Variants in CNTN1 observed in about 807,000 individuals in gnomAD.
The protein encoded by CNTN1 is contactin-1.
CNTN1 carries 38 observed loss-of-function variants against 126.4 expected under a neutral mutation model. That is an observed-to-expected ratio of 0.30 (90% confidence interval 0.23 to 0.39). CNTN1 has a LOEUF of 0.39. Among genes scored for constraint, CNTN1 ranks in the 10% least tolerant of loss-of-function variants. The pLI, the probability that CNTN1 is intolerant of heterozygous loss-of-function variation, is 1.00. For missense variants in CNTN1, 1,009 were observed against 1,248.4 expected (o/e 0.81, Z 2.89); for synonymous variants, 413 against 422.6 (o/e 0.98, Z 0.28).
chr12:40,768,408 T>TC (rs1248161988), intron 1 of CNTN1, among the ~76,000 whole-genome samples: 1 of 123,438 alleles, frequency 8.1e-6, no homozygotes, highest in Non-Finnish European at 1.7e-5. Flanking sequence ...CTTTTACAAA[T>TC]CCCTTATAAG....
At chr12:40,879,379 A>G (rs1943795754) in intron 1 of CNTN1, among the ~76,000 whole-genome samples, 1 of 152,280 alleles carries the variant, frequency 6.6e-6, no homozygotes, top group Admixed American at 6.5e-5. Flanking sequence ...CCCTTAGCTT[A>G]CTCAAATATT....
chr12:40,827,668 T>C (rs796704458), intron 1 of CNTN1, among the ~76,000 whole-genome samples: 23 of 152,322 alleles, frequency 1.5e-4, no homozygotes, highest in African/African-American at 2.4e-4. Flanking sequence ...TTCTGCAGTA[T>C]GCAAATGTCA....
chr12:40,934,816 A>G (rs758892177), intron 9 of CNTN1, among the ~76,000 whole-genome samples: 4 of 151,988 alleles, frequency 2.6e-5, no homozygotes, highest in Non-Finnish European at 4.4e-5. Context: ...TCTTTTCATG[A>G]CCACAGACTT....
chr12:40,777,873 G>T (rs1056216525), intron 1 of CNTN1, among the ~76,000 whole-genome samples: 16 of 151,698 alleles, frequency 1.1e-4, no homozygotes, highest in Non-Finnish European at 5.9e-5. Flanking sequence ...TTTGGGAAGG[G>T]TAAATATGGA....
chr12:40,995,292 T>C (rs923849183), intron 17 of CNTN1, among the ~76,000 whole-genome samples: 1 of 152,066 alleles, frequency 6.6e-6, no homozygotes, highest in Non-Finnish European at 1.5e-5. Context: ...TATTAAGAGA[T>C]CACAGTAGCA....
At chr12:41,014,433 T>C (rs1401363819) in intron 18 of CNTN1, 135 bp downstream of exon 18, 3 of 902,080 alleles carry the variant, frequency 3.3e-6, no homozygotes, top group Admixed American at 2.2e-5. Context: ...CTATTTTTTT[T>C]TCTTAAATGC....
At chr12:41,008,046 G>A (rs1283017144) in intron 17 of CNTN1, among the ~76,000 whole-genome samples, 1 of 152,110 alleles carries the variant, frequency 6.6e-6, no homozygotes, top group Non-Finnish European at 1.5e-5. Context: ...AACCCTAATT[G>A]CTGTTAGTGG....
intron 23 of CNTN1, among the ~76,000 whole-genome samples, chr12:41,053,384 C>T (rs1412603776): frequency 1.5e-5 from 2 of 135,328 alleles, no homozygotes; most frequent in South Asian, 2.2e-4. Context: ...AAGTAGTTCA[C>T]AGACAAAATT....
chr12:41,042,866 C>G (rs2120962910), intron 23 of CNTN1, among the ~76,000 whole-genome samples: 2 of 152,216 alleles, frequency 1.3e-5, no homozygotes, highest in South Asian at 4.1e-4. Flanking sequence ...ACTATCTGAT[C>G]TTTGACAAAC....
In CNTN1 at chr12:41,017,044, T is replaced by G. The variant is rs953871329; in HGVS notation, c.2419+128T>G. The stretch of plus-strand genomic sequence containing the variant: ...TTTATAGCATTATGCATTTAGTAAA[T>G]GAGTACTATTTTGAACCAAATTAAA... On this transcript the variant is annotated intron_variant, in intron 19 of 23. Coordinates refer to ENST00000551295, the MANE Select transcript of CNTN1 (RefSeq NM_001843.4). 1.5e-5 allele frequency: 11 copies of G among 750,082 alleles called. No homozygotes were observed. The Admixed American group carries it at 1.8e-4, about 12-fold the overall frequency. 46.5% of individuals were successfully genotyped at this position (750,082 alleles called of 1,614,324 possible).
intron 3 of CNTN1, among the ~76,000 whole-genome samples, chr12:40,917,320 G>C (rs1945281850): frequency 6.6e-6 from 1 of 151,958 alleles, no homozygotes; most frequent in Non-Finnish European, 1.5e-5. Flanking sequence ...TTATAAGCTA[G>C]GTACATTGCC....
chr12:40,959,020 T>C lies in CNTN1; in HGVS notation c.1684-94T>C, dbSNP rs145430818. Reference sequence around the variant, plus strand: ...AAACACATTCTTTAAGTGGTGTTCATTTTGTTAGGGGAAAAAACTACCTCT... The same window carrying C: ...AAACACATTCTTTAAGTGGTGTTCACTTTGTTAGGGGAAAAAACTACCTCT... On this transcript the variant is annotated intron_variant, in intron 14 of 23. Transcript: ENST00000551295. 4 of 1,501,970 alleles carry C rather than the reference T, an allele frequency of 2.7e-6. No homozygotes were observed. The East Asian group carries it at 7.0e-5, about 26-fold the overall frequency. 93.0% of individuals were successfully genotyped at this position (1,501,970 alleles called of 1,614,324 possible).
intron 1 of CNTN1, among the ~76,000 whole-genome samples, chr12:40,848,464 T>C (rs1942597686): frequency 6.6e-6 from 1 of 152,174 alleles, no homozygotes; most frequent in South Asian, 2.1e-4. Context: ...TATTAGTGTT[T>C]ATATAATGAA....
intron 1 of CNTN1, among the ~76,000 whole-genome samples, chr12:40,731,861 G>T (rs750070451): frequency 4.0e-5 from 6 of 151,660 alleles, no homozygotes; most frequent in African/African-American, 7.3e-5. Context: ...CTCTGACTGG[G>T]GCTCTTTTGG....
chr12:40,994,243 C>T (rs1446924942), intron 17 of CNTN1, among the ~76,000 whole-genome samples: 2 of 151,962 alleles, frequency 1.3e-5, no homozygotes, highest in Non-Finnish European at 2.9e-5. Flanking sequence ...AGAAAGTATC[C>T]TTTCTCTCTG....
At chr12:40,822,540 A>G (rs977112047) in intron 1 of CNTN1, among the ~76,000 whole-genome samples, 2 of 152,092 alleles carry the variant, frequency 1.3e-5, no homozygotes, top group African/African-American at 2.4e-5. Context: ...CTCTATGTTG[A>G]TACTTGTAGC....
intron 1 of CNTN1, among the ~76,000 whole-genome samples, chr12:40,904,681 C>T (rs1185494168): frequency 2.0e-5 from 3 of 152,054 alleles, no homozygotes; most frequent in Admixed American, 1.3e-4. Context: ...CCACCCACCT[C>T]GGCCTCCCAA....
Position 41,020,364 on chromosome 12 carries a change from G to A in CNTN1, c.2447G>A (p.Gly816Asp), listed in dbSNP as rs764919302. 3.7e-6 allele frequency: 6 copies of A among 1,612,184 alleles called. No homozygotes were observed. The highest frequency in any genetic ancestry group is 5.1e-6 in the Non-Finnish European group (6 of 1,178,988). ...CCCAGTGAAGCCCCAACAGAAGTAG[G>A]TGTAAAAGTCTTATCATCTTCTGAG... ...DAPSEAPTEV[G>D]VKVLSSSEIS... Residue 816 changes from glycine to aspartate, a missense_variant, in exon 20 of 24, where the codon GGT becomes GAT. Gly to Asp is a moderately conservative substitution (Grantham distance 94). Transcript: ENST00000551295.
At chr12:40,822,814 A>T (rs1181894876) in intron 1 of CNTN1, among the ~76,000 whole-genome samples, 2 of 152,154 alleles carry the variant, frequency 1.3e-5, no homozygotes, top group Non-Finnish European at 2.9e-5. Context: ...ATACTGCTTG[A>T]TACTGAGGTT....
Sources: gnomAD v4.1 joint callset for allele counts (sites outside exome capture counted in the v4.1 genomes callset) on GRCh38, gnomAD v4.1.1 for gene constraint, MANE v1.5 for transcripts, NCBI Gene and HGNC (gene_info 2026-07-23, HGNC 2026-07-21) for gene names.